ADAM32: variants seen among roughly 807,000 people sequenced by gnomAD.
The protein encoded by ADAM32 is ADAM metallopeptidase domain 32.
Under a neutral mutation model 114.9 loss-of-function variants are expected in ADAM32, and 89 were observed. That is an observed-to-expected ratio of 0.77 (90% CI 0.65 to 0.92). The LOEUF (loss-of-function observed/expected upper bound fraction) is 0.92. Ranked by LOEUF, ADAM32 falls within the 40% of genes least tolerant of loss-of-function variation. ADAM32 has a pLI of 0.00. For missense variants in ADAM32, 870 were observed against 932.8 expected (o/e 0.93, Z 0.88); for synonymous variants, 285 against 307.5 (o/e 0.93, Z 0.77).
At chr8:39,136,553 G>T in intron 2 of ADAM32, 104 bp from the exon 3 acceptor site, 1 of 670,552 alleles carries the variant, frequency 1.5e-6, no homozygotes, top group Non-Finnish European at 2.5e-6. Context: ...GAAATGTAAT[G>T]AAGATGTTTT....
chr8:39,124,010 T>C (rs1355318578), intron 2 of ADAM32, among the ~76,000 whole-genome samples: 1 of 144,936 alleles, frequency 6.9e-6, no homozygotes, highest in Non-Finnish European at 1.5e-5. Context: ...CCTGGCCTTC[T>C]TTTTTTTTTT....
At chr8:39,207,327 C>T (rs1223162745) in intron 11 of ADAM32, among the ~76,000 whole-genome samples, 3 of 152,060 alleles carry the variant, frequency 2.0e-5, no homozygotes, top group African/African-American at 7.2e-5. Context: ...TTGAAGCCCC[C>T]TCCTATTCCT....
At chr8:39,198,903 G>A (rs1807197336) in intron 11 of ADAM32, among the ~76,000 whole-genome samples, 1 of 152,038 alleles carries the variant, frequency 6.6e-6, no homozygotes, top group African/African-American at 2.4e-5. Flanking sequence ...TAGTCTAGTG[G>A]TGACAAATTC....
chr8:39,181,206 G>A (rs1805865477), intron 10 of ADAM32, among the ~76,000 whole-genome samples: 3 of 152,120 alleles, frequency 2.0e-5, no homozygotes, highest in Admixed American at 2.0e-4. Context: ...CACTCTTTGG[G>A]TCCACACTGC....
intron 14 of ADAM32, among the ~76,000 whole-genome samples, chr8:39,227,726 T>G (rs1181576634): frequency 6.6e-6 from 1 of 152,062 alleles, no homozygotes; most frequent in Non-Finnish European, 1.5e-5. Flanking sequence ...TGCCCCCACC[T>G]GATGGTCTTC....
At chr8:39,242,668 G>T (rs1442914085) in intron 16 of ADAM32, among the ~76,000 whole-genome samples, 1 of 152,038 alleles carries the variant, frequency 6.6e-6, no homozygotes, top group Admixed American at 6.6e-5. Flanking sequence ...CACAATATGT[G>T]GGAATTCAGA....
intron 22 of ADAM32, 30 bp downstream of exon 22, chr8:39,275,896 A>G (rs1316610416): frequency 4.0e-6 from 6 of 1,518,066 alleles, no homozygotes; most frequent in South Asian, 3.8e-5. Flanking sequence ...TTTTTTTTAT[A>G]TAATAAGTAT....
chr8:39,201,149 A>G (rs1488679252), intron 11 of ADAM32, among the ~76,000 whole-genome samples: 1 of 152,102 alleles, frequency 6.6e-6, no homozygotes, highest in Non-Finnish European at 1.5e-5. Context: ...AGTTTTTTCC[A>G]TTTCTGTGAA....
chr8:39,172,822 T>C (rs1174523870), intron 10 of ADAM32, among the ~76,000 whole-genome samples: 1 of 152,228 alleles, frequency 6.6e-6, no homozygotes, highest in Non-Finnish European at 1.5e-5. Flanking sequence ...TGTGTCTTTA[T>C]AATAGAATGA....
At chr8:39,199,838 T>A (rs577919404) in intron 11 of ADAM32, among the ~76,000 whole-genome samples, 2 of 150,364 alleles carry the variant, frequency 1.3e-5, no homozygotes, top group East Asian at 4.0e-4. Flanking sequence ...GTTCTCACTG[T>A]TCAATTCCCA....
intron 15 of ADAM32, among the ~76,000 whole-genome samples, chr8:39,232,825 G>T (rs1023259166): frequency 1.3e-5 from 2 of 152,112 alleles, no homozygotes; most frequent in African/African-American, 4.8e-5. Flanking sequence ...ACTTCACAGA[G>T]CTTTTAAGAG....
Position 39,226,163 on chromosome 8 carries a change from C to G in ADAM32, c.1525+2925C>G, listed in dbSNP as rs188864866. ...AAAGAAAGATCTGTGAACTTGCAAA[C>G]AGATTACTTGTATATATACAACTAG... On this transcript the variant is annotated intron_variant, in intron 14 of 24. Transcript: ENST00000379907. 3.5e-3 allele frequency among the ~76,000 whole-genome samples: 527 copies of G among 151,844 alleles called. 7 individuals are homozygous for G. The highest frequency in any genetic ancestry group is 0.012 in the African/African-American group (483 of 41,392).
At position 39,164,775 on chromosome 8, in the gene ADAM32, G is replaced by T; in HGVS notation, c.606G>T (p.Trp202Cys). ...ATTCTGTTTTTCAGTATGATTACTG[G>T]GGCTCTGATAGCATGATAGTAACAA... ...IVVDKTLYDY[W>C]GSDSMIVTNK... is the part of the protein sequence containing the mutation. Residue 202 changes from tryptophan to cysteine, a missense_variant, in exon 8 of 25, where the codon TGG becomes TGT. By Grantham distance (215) the Trp-to-Cys change is radical. Transcript: ENST00000379907. 1 of 1,597,144 alleles carries T rather than the reference G, an allele frequency of 6.3e-7. No individual in the cohort carries two copies. The highest frequency in any genetic ancestry group is 1.7e-5 in the Admixed American group (1 of 58,224).
Position 39,263,584 on chromosome 8 carries a change from T to C in ADAM32, c.2162+6241T>C, listed in dbSNP as rs149287106. Among the ~76,000 whole-genome samples the C allele has an allele frequency of 8.5e-3, 1,301 of 152,320 alleles. 15 individuals are homozygous for C. The highest frequency in any genetic ancestry group is 0.03 in the African/African-American group (1,235 of 41,556). ...GGCTTTTAAAAACTGGGATATAATT[T>C]ACATATCCTGAAATTCATTATTTTT... is the stretch of plus-strand genomic sequence containing the variant. On this transcript the variant is annotated intron_variant, in intron 19 of 24. Transcript: ENST00000379907.
chr8:39,118,787 C>T (rs1289946446), intron 2 of ADAM32, among the ~76,000 whole-genome samples: 1 of 152,102 alleles, frequency 6.6e-6, no homozygotes, highest in Non-Finnish European at 1.5e-5. Context: ...ATAGAGTTCA[C>T]CCATTTTAAG....
intron 23 of ADAM32, among the ~76,000 whole-genome samples, chr8:39,281,704 C>G (rs1232545176): frequency 2.6e-5 from 4 of 152,158 alleles, no homozygotes; most frequent in African/African-American, 4.8e-5. Flanking sequence ...TTTAGAGAAG[C>G]TTTTGGTTTC....
rs971128548 is a variant in ADAM32, at chr8:39,222,965, C to T, written c.1327-75C>T. ...TAGACTAAAGCGAAAATGATTAACACAATTTTGAAGTAAATATTAACAAAC... is the reference window on the plus strand; with the variant it reads ...TAGACTAAAGCGAAAATGATTAACATAATTTTGAAGTAAATATTAACAAAC... On this transcript the variant is annotated intron_variant, in intron 13 of 24. Transcript: ENST00000379907. 5.4e-6 allele frequency: 7 copies of T among 1,286,072 alleles called. No individual in the cohort carries two copies. In the African/African-American group the frequency reaches 7.7e-5, roughly 14 times the overall value. The allele number at this position is 1,286,072 out of a possible 1,614,324, so 79.7% of individuals were successfully genotyped here. A position where few individuals can be genotyped will look rare whatever the true frequency, so the allele number is the denominator to read the frequency against.
intron 2 of ADAM32, among the ~76,000 whole-genome samples, chr8:39,125,475 C>T (rs1802058779): frequency 1.3e-5 from 2 of 152,206 alleles, no homozygotes; most frequent in South Asian, 2.1e-4. Flanking sequence ...GAATCTCAAC[C>T]GTACCTGATT....
rs542533137 is a variant in ADAM32 at position 39,206,404 on chromosome 8, GGGCCTGTTCTCAGGTTTC to G, written c.1053-4739_1053-4722del. Among the ~76,000 whole-genome samples, 40 of 152,300 alleles carry G rather than the reference GGGCCTGTTCTCAGGTTTC, an allele frequency of 2.6e-4. No individual in the cohort carries two copies. The East Asian group carries it at 7.5e-3, about 29-fold the overall frequency. ...CAGCAGTGGTGGCAGTTGGTAGACT[GGGCCTGTTCTCAGGTTTC>G]CAGATGGTCTGCATGGGCACTGAAG... On this transcript the variant is annotated intron_variant, in intron 11 of 24. Transcript: ENST00000379907.
Sources: gnomAD v4.1 joint callset for allele counts (sites outside exome capture counted in the v4.1 genomes callset) on GRCh38, gnomAD v4.1.1 for gene constraint, MANE v1.5 for transcripts, NCBI Gene and HGNC (gene_info 2026-07-23, HGNC 2026-07-21) for gene names.